The following KLHDC4 variants were observed in gnomAD, a reference collection of about 807,000 sequenced individuals.
KLHDC4 encodes kelch domain-containing protein 4.
KLHDC4 carries 90 observed loss-of-function variants against 62.4 expected under a neutral mutation model. The ratio of observed to expected loss-of-function variants is 1.44; its 90% confidence interval spans 1.22 to 1.72. The LOEUF is 1.72. KLHDC4 is among the 40% of genes most tolerant of loss of function. The probability of loss-of-function intolerance (pLI) is 0.00; values close to 1 mark genes in which losing one functional copy is unlikely to be tolerated. For synonymous variants in KLHDC4, 386 were observed against 284.4 expected (o/e 1.36, Z -3.59); for missense variants, 1,025 against 699.7 (o/e 1.47, Z -5.25).
At chr16:87,740,629 A>T (rs1169413699) in intron 5 of KLHDC4, 1 of 152,196 alleles carries the variant, frequency 6.6e-6, no homozygotes, top group Admixed American at 6.5e-5. Context: ...TGGTGTTTTT[A>T]GTGTTTCACA....
intron 4 of KLHDC4, among the ~76,000 whole-genome samples, chr16:87,754,473 C>T (rs995923979): frequency 6.6e-5 from 10 of 152,262 alleles, no homozygotes; most frequent in Non-Finnish European, 1.3e-4. Context: ...ACCAAACCAA[C>T]TTCATTAGCA....
intron 5 of KLHDC4, among the ~76,000 whole-genome samples, chr16:87,741,161 A>C (rs1173472021): frequency 2.0e-5 from 3 of 152,232 alleles, no homozygotes; most frequent in Non-Finnish European, 4.4e-5. Flanking sequence ...TGTTGCTAGA[A>C]TGGAGAAGAC....
Position 87,726,810 on chromosome 16 carries a change from G to T in KLHDC4, c.714C>A (p.Val238=). The change falls in exon 7 of 12, where the codon GTC becomes GTA. Residue 238 remains valine (V), a synonymous_variant. Coordinates refer to ENST00000270583, the MANE Select transcript of KLHDC4 (RefSeq NM_017566.4). ...AGACGACGATGCCGCCCTGGGGAGT[G>T]ACGGACATCTGGCAGCCTGATCTGG... ...PTPRSGCQMS[V]TPQGGIVVYG... is the part of the protein sequence containing the mutation. The T allele has an allele frequency of 6.2e-7, 1 of 1,611,140 alleles. No homozygotes were observed.
Position 87,726,772 on chromosome 16 carries a change from G to C in KLHDC4, c.752C>G (p.Ser251Trp). The change falls in exon 7 of 12, where the codon TCG becomes TGG. Residue 251 changes from serine to tryptophan, a missense_variant. Ser to Trp is a radical substitution (Grantham distance 177). Coordinates refer to ENST00000270583, the MANE Select transcript of KLHDC4 (RefSeq NM_017566.4). The part of the protein sequence containing the change: ...QGGIVVYGGY[S>W]KQRVKKDVDK... ...CCCCACCCCCCGCCTTACCTGTTTC[G>C]AGTAGCCCCCATAGACGACGATGCC... 1 of 1,543,460 alleles carries C rather than the reference G, an allele frequency of 6.5e-7. No individual in the cohort carries two copies. The highest frequency in any genetic ancestry group is 8.7e-7 in the Non-Finnish European group (1 of 1,149,244).
chr16:87,739,742 G>A (rs529281748), intron 5 of KLHDC4: 9 of 152,492 alleles, frequency 5.9e-5, no homozygotes, highest in African/African-American at 1.9e-4. Context: ...GCGGAAAGAA[G>A]AGCCCGTCAC....
chr16:87,727,367 G>GT (rs2039554608), intron 6 of KLHDC4, among the ~76,000 whole-genome samples: 1 of 152,338 alleles, frequency 6.6e-6, no homozygotes, highest in South Asian at 2.1e-4. Flanking sequence ...GTGTGCAACC[G>GT]TAAGGGCAGC....
chr16:87,704,876 A>G (rs1051620174), downstream of KLHDC4, among the ~76,000 whole-genome samples: 2 of 152,198 alleles, frequency 1.3e-5, no homozygotes, highest in African/African-American at 4.8e-5. Flanking sequence ...GCCACCGCTC[A>G]TGGCCAGTCC....
In KLHDC4 at chr16:87,744,189, G is replaced by C. The variant is rs561935475; in HGVS notation, c.506+4484C>G. Among the ~76,000 whole-genome samples, 73 of 152,258 alleles carry C rather than the reference G, an allele frequency of 4.8e-4. No homozygotes were observed. In the South Asian group the frequency reaches 0.015, roughly 31 times the overall value. On this transcript the variant is annotated intron_variant, in intron 5 of 11. Coordinates refer to ENST00000270583, the MANE Select transcript of KLHDC4 (RefSeq NM_017566.4). ...CCAGCACTTTGTGAGACCGAGGTGG[G>C]GGGATCACCTGAGGTCAGGAGTTCA...
rs552351562 is a variant in KLHDC4, at chr16:87,730,552, C to T, written c.599G>A (p.Arg200Gln). The change falls in exon 6 of 12, where the codon CGG (arginine) becomes CAG (glutamine). Residue 200 changes from arginine to glutamine, a missense_variant and splice_region_variant. Coordinates refer to ENST00000270583, the MANE Select transcript of KLHDC4 (RefSeq NM_017566.4). ...AGATTTTTCCGTTCTTGGTACCAAC[C>T]GTGTACTTTCATGGAAGCCACCAAA... Reference protein sequence around the residue: ...ILFGGFHESTRDYIYYNDVYA... With the variant: ...ILFGGFHESTQDYIYYNDVYA... The T allele has an allele frequency of 1.6e-5, 26 of 1,609,512 alleles. No homozygotes were observed. Among genetic ancestry groups the T allele is most frequent in the Middle Eastern group, 1.7e-4 (1 of 6,056 alleles).
intron 4 of KLHDC4, among the ~76,000 whole-genome samples, chr16:87,753,226 C>T (rs951484114): frequency 6.6e-6 from 1 of 152,226 alleles, no homozygotes; most frequent in Non-Finnish European, 1.5e-5. Context: ...CACTAAACTG[C>T]ACCCTGGGAG....
intron 5 of KLHDC4, among the ~76,000 whole-genome samples, chr16:87,736,083 G>A (rs2041258696): frequency 6.6e-6 from 1 of 152,198 alleles, no homozygotes; most frequent in Non-Finnish European, 1.5e-5. Context: ...GACGGGTTCT[G>A]GGAAACAACA....
chr16:87,739,004 AT>A (rs2041831183), intron 5 of KLHDC4, among the ~76,000 whole-genome samples: 6 of 93,106 alleles, frequency 6.4e-5, no homozygotes, highest in African/African-American at 9.8e-5. Context: ...CACCTCATCC[AT>A]CCACACACCA....
At chr16:87,704,026 C>T (rs1374313446), downstream of KLHDC4, among the ~76,000 whole-genome samples, 1 of 152,238 alleles carries the variant, frequency 6.6e-6, no homozygotes, top group Non-Finnish European at 1.5e-5. Context: ...CAAAGGCAGG[C>T]AGGCTGAGGC....
At chr16:87,699,014 C>A (rs1337848338) in exon 1 of KLHDC4, 2 of 152,300 alleles carry the variant, frequency 1.3e-5, no homozygotes, top group African/African-American at 2.4e-5. Flanking sequence ...GCAGCGCGGT[C>A]TGCGGGGGGT....
intron 3 of KLHDC4, 132 bp downstream of exon 3, chr16:87,756,267 G>GC (rs2044876735): frequency 1.5e-6 from 1 of 664,088 alleles, no homozygotes; most frequent in Admixed American, 2.2e-5. Flanking sequence ...CTCACATCAG[G>GC]CCTGACGGCT....
At chr16:87,738,734 CCATCCACACACCAGCACCT>C (rs1453087280) in intron 5 of KLHDC4, among the ~76,000 whole-genome samples, 8 of 126,560 alleles carry the variant, frequency 6.3e-5, no homozygotes, top group African/African-American at 1.2e-4. Flanking sequence ...AGCACCTCAT[CCATCCACACACCAGCACCT>C]CATCCACACA....
At chr16:87,753,629 G>A (rs914161903) in intron 4 of KLHDC4, among the ~76,000 whole-genome samples, 4 of 150,786 alleles carry the variant, frequency 2.7e-5, no homozygotes, top group Non-Finnish European at 4.4e-5. Flanking sequence ...GTGAAACCCC[G>A]TCTCTACTGA....
At chr16:87,760,963 G>A (rs908802049) in intron 2 of KLHDC4, among the ~76,000 whole-genome samples, 1 of 152,078 alleles carries the variant, frequency 6.6e-6, no homozygotes, top group Non-Finnish European at 1.5e-5. Flanking sequence ...AACCTGGGAG[G>A]CAGAGGTTGT....
chr16:87,735,475 C>T (rs764831101), intron 5 of KLHDC4, among the ~76,000 whole-genome samples: 3 of 152,198 alleles, frequency 2.0e-5, no homozygotes, highest in Admixed American at 1.3e-4. Flanking sequence ...GCCCTAACTG[C>T]GCTGGGGCGG....
Sources: gnomAD v4.1 joint callset for allele counts (sites outside exome capture counted in the v4.1 genomes callset) on GRCh38, gnomAD v4.1.1 for gene constraint, MANE v1.5 for transcripts, NCBI Gene and HGNC (gene_info 2026-07-23, HGNC 2026-07-21) for gene names.